Variants in SORD observed in about 807,000 individuals in gnomAD.
SORD encodes the protein sorbitol dehydrogenase.
Under a neutral mutation model 35.6 loss-of-function variants are expected in SORD, and 18 were observed. The ratio of observed to expected loss-of-function variants is 0.51; its 90% CI spans 0.35 to 0.75. The LOEUF is 0.75. SORD is among the 30% of genes least tolerant of loss of function. The probability of loss-of-function intolerance (pLI) is 0.01; values close to 1 mark genes in which losing one functional copy is unlikely to be tolerated. For missense variants in SORD, 250 were observed against 390.2 expected (o/e 0.64, Z 3.03); for synonymous variants, 106 against 152.9 (o/e 0.69, Z 2.26).
chr15:45,064,405 G>A (rs1303573102), intron 4 of SORD, among the ~76,000 whole-genome samples: 3 of 152,168 alleles, frequency 2.0e-5, no homozygotes, highest in Non-Finnish European at 2.9e-5. Context: ...GTTTTCATGA[G>A]GATTAAATGA....
intron 1 of SORD, among the ~76,000 whole-genome samples, chr15:45,026,556 A>G (rs1337503434): frequency 6.7e-6 from 1 of 148,826 alleles, no homozygotes; most frequent in East Asian, 1.9e-4. Flanking sequence ...ATTTAGGTAT[A>G]CAGGGGGGCA....
At chr15:45,055,420 C>G (rs942941003) in intron 3 of SORD, among the ~76,000 whole-genome samples, 8 of 152,164 alleles carry the variant, frequency 5.3e-5, no homozygotes, top group Non-Finnish European at 8.8e-5. Flanking sequence ...GACACATACA[C>G]TCTCCCAAGA....
At chr15:45,071,453 C>T (rs1893512220) in intron 7 of SORD, among the ~76,000 whole-genome samples, 2 of 152,100 alleles carry the variant, frequency 1.3e-5, no homozygotes, top group African/African-American at 2.4e-5. Flanking sequence ...GAAGTGGAGG[C>T]TATGATCGTG....
At chr15:45,051,255 T>C (rs1893119372) in intron 3 of SORD, among the ~76,000 whole-genome samples, 2 of 152,222 alleles carry the variant, frequency 1.3e-5, no homozygotes, top group Admixed American at 6.5e-5. Flanking sequence ...TAGCAAATAC[T>C]CAGACATTAG....
chr15:45,036,317 A>T, intron 1 of SORD: 1 of 456,018 alleles, frequency 2.2e-6, no homozygotes, highest in Non-Finnish European at 4.4e-6. Context: ...CTTGAAGTGA[A>T]ATATTCTGGA....
chr15:45,051,847 C>T (rs145222229), intron 3 of SORD, among the ~76,000 whole-genome samples: 12 of 152,260 alleles, frequency 7.9e-5, no homozygotes, highest in Admixed American at 7.2e-4. Flanking sequence ...ATCAGTGCCT[C>T]GAGAAAGCCT....
chr15:45,072,721 CCCT>C (rs1893532441), intron 8 of SORD, among the ~76,000 whole-genome samples: 2 of 141,810 alleles, frequency 1.4e-5, no homozygotes, highest in African/African-American at 6.2e-5. Context: ...CCTTTTTTCC[CCCT>C]ATTTTCTTAA....
chr15:45,030,429 A>T (rs2899142), intron 1 of SORD, among the ~76,000 whole-genome samples: 30,992 of 150,446 alleles, frequency 0.21, no homozygotes, highest in African/African-American at 0.44. Context: ...TGGCTGTTGA[A>T]GCTGGCAGTT....
intron 2 of SORD, among the ~76,000 whole-genome samples, chr15:45,040,800 G>T (rs1892954344): frequency 2.6e-5 from 4 of 152,206 alleles, no homozygotes; most frequent in African/African-American, 9.7e-5. Context: ...TGCTGTTGGA[G>T]TGGCCAAGTG....
chr15:45,036,755 C>T (rs1043802819), intron 1 of SORD, among the ~76,000 whole-genome samples: 2 of 151,836 alleles, frequency 1.3e-5, no homozygotes, highest in African/African-American at 4.8e-5. Flanking sequence ...GTTTAGGAAA[C>T]CTTTAATATG....
intron 2 of SORD, among the ~76,000 whole-genome samples, chr15:45,041,051 T>C (rs1186143605): frequency 1.3e-5 from 2 of 152,166 alleles, no homozygotes; most frequent in African/African-American, 2.4e-5. Context: ...ACACCTTTAC[T>C]CCACTCCTTC....
chr15:45,055,078 G>A (rs927376154), intron 3 of SORD, among the ~76,000 whole-genome samples: 23 of 151,696 alleles, frequency 1.5e-4, no homozygotes, highest in African/African-American at 4.6e-4. Context: ...GTCAGGTAGC[G>A]TGATGCCTCC....
rs1431244373 is a variant in SORD at position 45,073,993 on chromosome 15, C to T, written c.*463C>T. On this transcript the variant is annotated 3_prime_UTR_variant, in exon 9 of 9. Coordinates refer to ENST00000267814, the MANE Select transcript of SORD (RefSeq NM_003104.6). ...GGTCTGGGATGAAGGCTTGTCAGCACTTCCAGTTTAGAACGCAATGTTTCT... is the reference window on the plus strand; with the variant it reads ...GGTCTGGGATGAAGGCTTGTCAGCATTTCCAGTTTAGAACGCAATGTTTCT... 1 of 118,386 alleles carries T rather than the reference C, an allele frequency of 8.4e-6. No individual in the cohort carries two copies. Among genetic ancestry groups the T allele is most frequent in the Non-Finnish European group, 1.7e-5 (1 of 59,550 alleles). 7.3% of individuals were successfully genotyped at this position (118,386 alleles called of 1,614,324 possible).
chr15:45,068,035 A>G, intron 5 of SORD, 146 bp from the exon 6 acceptor site: 1 of 675,358 alleles, frequency 1.5e-6, no homozygotes, highest in Non-Finnish European at 2.7e-6. Context: ...TGCATTCAAC[A>G]AACAGCCGCT....
intron 1 of SORD, among the ~76,000 whole-genome samples, chr15:45,036,558 G>A (rs7403755): frequency 0.016 from 2,401 of 152,218 alleles, 18 homozygotes; most frequent in Middle Eastern, 0.031. Flanking sequence ...GCCACGCAGC[G>A]TGGCATGCAC....
intron 1 of SORD, among the ~76,000 whole-genome samples, chr15:45,034,822 G>A (rs1226714522): frequency 6.6e-6 from 1 of 152,262 alleles, no homozygotes; most frequent in East Asian, 1.9e-4. Context: ...CAGCTTGCAG[G>A]GAGGTGTGGA....
Position 45,068,160 on chromosome 15 carries a change from T to C in SORD, c.545-21T>C, listed in dbSNP as rs1893437268. On this transcript the variant is annotated intron_variant, in intron 5 of 8. Coordinates refer to ENST00000267814, the MANE Select transcript of SORD (RefSeq NM_003104.6). Reference sequence around the variant, plus strand: ...GATGTTTAATATTTCACGAACATATTCCATCTTCTGCTTTGTTTAGGGCCA... The same window carrying C: ...GATGTTTAATATTTCACGAACATATCCCATCTTCTGCTTTGTTTAGGGCCA... The C allele has an allele frequency of 1.9e-6, 3 of 1,604,672 alleles. No individual in the cohort carries two copies. In the East Asian group the frequency reaches 6.7e-5, roughly 36 times the overall value.
intron 1 of SORD, among the ~76,000 whole-genome samples, chr15:45,027,257 T>G (rs954319242): frequency 6.6e-6 from 1 of 152,278 alleles, no homozygotes; most frequent in Non-Finnish European, 1.5e-5. Flanking sequence ...GTCAGCTTGC[T>G]GGGGTTCTCT....
chr15:45,032,200 C>CA (rs1440519706), intron 1 of SORD, among the ~76,000 whole-genome samples: 1 of 145,476 alleles, frequency 6.9e-6, no homozygotes, highest in Non-Finnish European at 1.5e-5. Flanking sequence ...TTCAGGTTTA[C>CA]AAGATGTGAA....
Sources: gnomAD v4.1 joint callset for allele counts (sites outside exome capture counted in the v4.1 genomes callset) on GRCh38, gnomAD v4.1.1 for gene constraint, MANE v1.5 for transcripts, NCBI Gene and HGNC (gene_info 2026-07-23, HGNC 2026-07-21) for gene names.